Variants in DRC8 observed in about 807,000 individuals in gnomAD.
DRC8 encodes the protein dynein regulatory complex protein 8.
At chr1:245,114,382 T>G in the DRC8 span, among the ~76,000 whole-genome samples, 1 of 151,908 alleles carries the variant, frequency 6.6e-6, no homozygotes, top group Non-Finnish European at 1.5e-5. Context: ...GAAGAATTGC[T>G]TGAAACCCGG....
chr1:244,979,477 T>G, the DRC8 span, among the ~76,000 whole-genome samples: 1 of 151,890 alleles, frequency 6.6e-6, no homozygotes. Flanking sequence ...GGCTCATTTT[T>G]TTATATTTTT....
chr1:245,073,810 T>A, the DRC8 span, among the ~76,000 whole-genome samples: 2 of 152,188 alleles, frequency 1.3e-5, no homozygotes, highest in African/African-American at 4.8e-5. Flanking sequence ...AGAAGTGATC[T>A]GTAGATGACA....
chr1:245,046,890 G>A, the DRC8 span, among the ~76,000 whole-genome samples: 53 of 152,184 alleles, frequency 3.5e-4, no homozygotes, highest in East Asian at 8.9e-3. Context: ...TCAACAAATT[G>A]CCACTGAAAG....
chr1:245,114,462 C>G, the DRC8 span, among the ~76,000 whole-genome samples: 1 of 144,454 alleles, frequency 6.9e-6, no homozygotes, highest in Non-Finnish European at 1.5e-5. Context: ...GAGACTCCAT[C>G]TAAAAAAAAA....
At chr1:245,031,136 C>G in the DRC8 span, among the ~76,000 whole-genome samples, 2 of 152,094 alleles carry the variant, frequency 1.3e-5, no homozygotes, top group African/African-American at 4.8e-5. Flanking sequence ...TTAGGCCATT[C>G]CAACACAGTT....
At chr1:245,014,143 A>T in the DRC8 span, among the ~76,000 whole-genome samples, 2 of 152,010 alleles carry the variant, frequency 1.3e-5, no homozygotes, top group Non-Finnish European at 2.9e-5. Flanking sequence ...TTTTTCCTCC[A>T]GTAATTGTGT....
the DRC8 span, among the ~76,000 whole-genome samples, chr1:244,997,779 A>G: frequency 6.6e-6 from 1 of 152,074 alleles, no homozygotes; most frequent in Non-Finnish European, 1.5e-5. Context: ...TCTTGACCTC[A>G]GGTGATCCGC....
the DRC8 span, among the ~76,000 whole-genome samples, chr1:245,033,414 AT>A: frequency 0.028 from 4,281 of 152,290 alleles, 153 homozygotes; most frequent in East Asian, 0.14. Context: ...GATATAAAGG[AT>A]TATGGATGAA....
the DRC8 span, among the ~76,000 whole-genome samples, chr1:245,081,531 C>T: frequency 9.2e-4 from 137 of 148,964 alleles, no homozygotes; most frequent in African/African-American, 3.2e-3. Flanking sequence ...TACAGTGGTG[C>T]GATCTCGGCT....
chr1:245,104,382 T>C, the DRC8 span, among the ~76,000 whole-genome samples: 1 of 151,848 alleles, frequency 6.6e-6, no homozygotes, highest in East Asian at 1.9e-4. Flanking sequence ...CGCATGCCTG[T>C]AATCCCAGCT....
At chr1:245,026,524 G>C in the DRC8 span, among the ~76,000 whole-genome samples, 2 of 152,198 alleles carry the variant, frequency 1.3e-5, no homozygotes, top group Non-Finnish European at 2.9e-5. Context: ...ATCTGAGAAA[G>C]CTGGAAGCTA....
At chr1:245,008,060 C>T in the DRC8 span, among the ~76,000 whole-genome samples, 2 of 152,068 alleles carry the variant, frequency 1.3e-5, no homozygotes, top group African/African-American at 4.8e-5. Context: ...CCTGTAGTTC[C>T]AGCTACTCAG....
At chr1:245,099,288 G>A in the DRC8 span, among the ~76,000 whole-genome samples, 2 of 152,276 alleles carry the variant, frequency 1.3e-5, no homozygotes, top group African/African-American at 2.4e-5. Flanking sequence ...TTCTCTCAAG[G>A]GGGGGCTTTT....
chr1:244,991,598 G>T, the DRC8 span, among the ~76,000 whole-genome samples: 4 of 152,132 alleles, frequency 2.6e-5, no homozygotes, highest in African/African-American at 7.2e-5. Flanking sequence ...TATGCCCTTT[G>T]TATACATTAT....
At chr1:245,113,273 G>A in the DRC8 span, among the ~76,000 whole-genome samples, 1 of 152,172 alleles carries the variant, frequency 6.6e-6, no homozygotes, top group Non-Finnish European at 1.5e-5. Flanking sequence ...GAGGTTCCCA[G>A]GCGCTCCTTC....
the DRC8 span, among the ~76,000 whole-genome samples, chr1:245,111,491 T>A: frequency 6.6e-5 from 10 of 152,372 alleles, no homozygotes; most frequent in South Asian, 1.0e-3. Context: ...ATGAATAGAC[T>A]AATGAAGGTG....
the DRC8 span, among the ~76,000 whole-genome samples, chr1:245,106,953 A>G: frequency 6.6e-6 from 1 of 152,214 alleles, no homozygotes; most frequent in South Asian, 2.1e-4. Flanking sequence ...CTGAGGCAGG[A>G]GAATCGCTGG....
the DRC8 span, among the ~76,000 whole-genome samples, chr1:244,971,550 A>G: frequency 6.6e-6 from 1 of 152,268 alleles, no homozygotes; most frequent in Non-Finnish European, 1.5e-5. Flanking sequence ...CAGTCACCCA[A>G]AAATATCCAA....
At chr1:244,989,357 C>A in the DRC8 span, among the ~76,000 whole-genome samples, 1 of 152,164 alleles carries the variant, frequency 6.6e-6, no homozygotes, top group African/African-American at 2.4e-5. Context: ...GCTATGGCTC[C>A]TTCGGCTCCT....
Sources: gnomAD v4.1 joint callset for allele counts (sites outside exome capture counted in the v4.1 genomes callset) on GRCh38, gnomAD v4.1.1 for gene constraint, MANE v1.5 for transcripts, NCBI Gene and HGNC (gene_info 2026-07-23, HGNC 2026-07-21) for gene names.